The following ZHX3 variants were observed in gnomAD, a reference collection of about 807,000 sequenced individuals.
ZHX3 encodes zinc fingers and homeoboxes protein 3.
A neutral mutation model predicts 64.5 loss-of-function variants in ZHX3; 20 were observed. That is an observed-to-expected ratio of 0.31 (90% CI 0.22 to 0.45). The LOEUF is 0.45. ZHX3 is among the 20% of genes least tolerant of loss of function. The pLI is 1.00. For missense variants in ZHX3, 1,041 were observed against 1,195.8 expected (o/e 0.87, Z 1.91); for synonymous variants, 423 against 461.6 (o/e 0.92, Z 1.07).
chr20:41,254,367 C>T (rs1206828591), intron 2 of ZHX3, among the ~76,000 whole-genome samples: 1 of 152,136 alleles, frequency 6.6e-6, no homozygotes, highest in Non-Finnish European at 1.5e-5. Context: ...ACAAGTGCCT[C>T]ACAGGATTTT....
chr20:41,270,846 T>A (rs1014682307), intron 1 of ZHX3, among the ~76,000 whole-genome samples: 1 of 152,090 alleles, frequency 6.6e-6, no homozygotes, highest in Non-Finnish European at 1.5e-5. Context: ...CTCTTGAAAA[T>A]TTCTCCTTAT....
chr20:41,279,160 C>T (rs574338348), intron 1 of ZHX3, among the ~76,000 whole-genome samples: 2 of 152,152 alleles, frequency 1.3e-5, no homozygotes, highest in Non-Finnish European at 2.9e-5. Flanking sequence ...GAATTTGAAT[C>T]CTGGGTCAAC....
chr20:41,301,984 G>T (rs2044829232), intron 1 of ZHX3, among the ~76,000 whole-genome samples: 1 of 148,228 alleles, frequency 6.7e-6, no homozygotes, highest in South Asian at 2.2e-4. Flanking sequence ...AACCCGGGAG[G>T]CGGAGCTTGC....
chr20:41,197,698 G>A (rs183354015), intron 3 of ZHX3, among the ~76,000 whole-genome samples: 11 of 151,842 alleles, frequency 7.2e-5, no homozygotes, highest in African/African-American at 2.7e-4. Flanking sequence ...TCTGCCATTT[G>A]GCTATTTGTT....
intron 1 of ZHX3, among the ~76,000 whole-genome samples, chr20:41,296,104 T>C (rs2044501454): frequency 6.6e-6 from 1 of 152,064 alleles, no homozygotes; most frequent in Non-Finnish European, 1.5e-5. Context: ...CCCATGAACT[T>C]TGGGTAAAAG....
chr20:41,286,439 C>T (rs914909564), intron 1 of ZHX3, among the ~76,000 whole-genome samples: 4 of 152,206 alleles, frequency 2.6e-5, no homozygotes, highest in African/African-American at 9.7e-5. Context: ...TTTGTTCCAT[C>T]GTCTTTCAGC....
intron 2 of ZHX3, among the ~76,000 whole-genome samples, chr20:41,217,971 T>C (rs1381858178): frequency 1.3e-5 from 2 of 152,260 alleles, no homozygotes; most frequent in African/African-American, 2.4e-5. Context: ...TTTTACAACC[T>C]GAACTATTCT....
chr20:41,239,140 C>T (rs1233019650), intron 2 of ZHX3, among the ~76,000 whole-genome samples: 2 of 150,986 alleles, frequency 1.3e-5, no homozygotes, highest in Non-Finnish European at 2.9e-5. Context: ...GTAGCTGGGG[C>T]TATAGGCGCC....
rs2040297273 is a variant in ZHX3, at chr20:41,226,720, A to C, written c.-150-21654T>G. Reference sequence around the variant, plus strand: ...TAACCTCCTGGTTCCTCTATTTTCAAGTGAATTCAACAGGTCAAATTTAAA... The same window carrying C: ...TAACCTCCTGGTTCCTCTATTTTCACGTGAATTCAACAGGTCAAATTTAAA... On this transcript the variant is annotated intron_variant, in intron 2 of 3. Transcript: ENST00000683867. This position sits in a 1 kb window ranked among gnomAD's most constrained non-coding sequence, Gnocchi z 4.4. Among the ~76,000 whole-genome samples, 1 of 152,112 alleles carries C rather than the reference A, an allele frequency of 6.6e-6. No homozygotes were observed. The highest frequency in any genetic ancestry group is 1.9e-4 in the East Asian group (1 of 5,186).
chr20:41,303,379 T>A (rs1024671151), intron 1 of ZHX3, among the ~76,000 whole-genome samples: 4 of 152,182 alleles, frequency 2.6e-5, no homozygotes, highest in Non-Finnish European at 5.9e-5. Flanking sequence ...CTGTGGAGTA[T>A]AACTTTTATT....
chr20:41,302,965 A>G (rs2044867443), intron 1 of ZHX3, among the ~76,000 whole-genome samples: 1 of 152,256 alleles, frequency 6.6e-6, no homozygotes, highest in South Asian at 2.1e-4. Context: ...CTCTAGTGGT[A>G]ATGAAGAAAG....
At chr20:41,262,798 T>G (rs2042627968) in intron 2 of ZHX3, among the ~76,000 whole-genome samples, 1 of 151,892 alleles carries the variant, frequency 6.6e-6, no homozygotes, top group African/African-American at 2.4e-5. Flanking sequence ...ATTAAGACAC[T>G]TCACAGAACA....
rs1211887879 is a variant in ZHX3, at chr20:41,204,461, C to T, written c.456G>A (p.Glu152=). 2 of 1,614,232 alleles carry T rather than the reference C, an allele frequency of 1.2e-6. No individual in the cohort carries two copies. Among genetic ancestry groups the T allele is most frequent in the East Asian group, 4.5e-5 (2 of 44,888 alleles). ...VAKPDNHVVV[E]QSIPESTSTP... Reference sequence around the variant, plus strand: ...TGCTGGTGCTCTCAGGGATGCTCTGCTCCACAACCACATGATTGTCTGGCT... The same window carrying T: ...TGCTGGTGCTCTCAGGGATGCTCTGTTCCACAACCACATGATTGTCTGGCT... The change falls in exon 3 of 4, where the codon GAG becomes GAA. Residue 152 remains glutamate, a synonymous_variant. Coordinates refer to ENST00000683867, the MANE Select transcript of ZHX3 (RefSeq NM_001384317.1). The surrounding 1 kb of genome is among the most constrained non-coding windows in gnomAD (Gnocchi z 6.6).
intron 3 of ZHX3, among the ~76,000 whole-genome samples, chr20:41,188,242 T>C (rs2146116853): frequency 6.6e-6 from 1 of 152,340 alleles, no homozygotes; most frequent in South Asian, 2.1e-4. Context: ...GTCTTTTTAA[T>C]AATAGCCATT....
At chr20:41,301,111 C>T (rs927774038) in intron 1 of ZHX3, among the ~76,000 whole-genome samples, 3 of 152,122 alleles carry the variant, frequency 2.0e-5, no homozygotes, top group Non-Finnish European at 2.9e-5. Context: ...TAAGGCTACT[C>T]GCAGGAAGCC....
chr20:41,206,976 G>C (rs1257020401), intron 2 of ZHX3, among the ~76,000 whole-genome samples: 1 of 152,224 alleles, frequency 6.6e-6, no homozygotes, highest in East Asian at 1.9e-4. Context: ...CAAGCCAGAA[G>C]AGAAGTGGGG....
chr20:41,267,939 T>C (rs182348253), intron 2 of ZHX3, among the ~76,000 whole-genome samples: 1 of 152,330 alleles, frequency 6.6e-6, no homozygotes, highest in African/African-American at 2.4e-5. Context: ...AGGATTGATA[T>C]ATAAAGCCAC....
At chr20:41,192,368 G>A (rs895889628) in intron 3 of ZHX3, among the ~76,000 whole-genome samples, 4 of 152,218 alleles carry the variant, frequency 2.6e-5, no homozygotes, top group Non-Finnish European at 4.4e-5. Context: ...ATGTGTGCAG[G>A]TGCCAACCAA....
intron 2 of ZHX3, among the ~76,000 whole-genome samples, chr20:41,230,006 A>AAGACTGTC (rs1391729556): frequency 1.3e-5 from 2 of 152,194 alleles, no homozygotes; most frequent in East Asian, 3.8e-4. Flanking sequence ...ATTTGTTGAA[A>AAGACTGTC]AGACTGTCCT....
Sources: allele counts gnomAD v4.1 joint callset (sites outside exome capture counted in the v4.1 genomes callset), GRCh38; gene constraint gnomAD v4.1.1; non-coding constraint Gnocchi (gnomAD v3.1); transcripts MANE v1.5; gene names NCBI Gene and HGNC (gene_info 2026-07-23, HGNC 2026-07-21).